The following ATP2B2 variants were observed in gnomAD, a reference collection of about 807,000 sequenced individuals.
The protein encoded by ATP2B2 is plasma membrane calcium-transporting ATPase 2.
In ATP2B2, 15 loss-of-function variants were observed where a neutral mutation model predicts 120.0. That is an observed-to-expected ratio of 0.12 (90% confidence interval 0.08 to 0.19). ATP2B2 has a LOEUF of 0.19. ATP2B2 is among the 10% of genes least tolerant of loss of function. The pLI is 1.00. For missense variants in ATP2B2, 1,045 were observed against 1,719.8 expected (o/e 0.61, Z 6.94); for synonymous variants, 694 against 700.3 (o/e 0.99, Z 0.14).
chr3:10,612,204 G>C (rs2069258575), intron 2 of ATP2B2, among the ~76,000 whole-genome samples: 2 of 152,044 alleles, frequency 1.3e-5, no homozygotes, highest in Non-Finnish European at 2.9e-5. Flanking sequence ...CCCTCCCCAG[G>C]TCCCCAGCCC....
intron 1 of ATP2B2, among the ~76,000 whole-genome samples, chr3:10,480,882 T>C (rs886462102): frequency 1.3e-5 from 2 of 152,232 alleles, no homozygotes; most frequent in African/African-American, 4.8e-5. Flanking sequence ...TTCCAGTACA[T>C]GCAGAGCTAA....
chr3:10,391,690 C>T lies in ATP2B2; in HGVS notation c.782-3288G>A, dbSNP rs3774162. ...TGAGCAATAGCCAGGGCAGGGGAGA[C>T]GGGGCATCTACAATCCCCAGTCCTC... is the stretch of plus-strand genomic sequence containing the variant. On this transcript the variant is annotated intron_variant, in intron 5 of 22. Coordinates refer to ENST00000360273, the MANE Select transcript of ATP2B2 (RefSeq NM_001001331.4). Among the ~76,000 whole-genome samples the T allele has an allele frequency of 1.4e-3, 211 of 152,232 alleles. 1 individual carries two copies. In the East Asian group the frequency reaches 0.017, roughly 12 times the overall value.
At chr3:10,464,080 G>A (rs1231611930) in intron 1 of ATP2B2, among the ~76,000 whole-genome samples, 1 of 152,194 alleles carries the variant, frequency 6.6e-6, no homozygotes, top group African/African-American at 2.4e-5. Context: ...CCTGGCTGAA[G>A]TGTGACCATG....
At chr3:10,605,251 T>C (rs1343824222) in intron 2 of ATP2B2, among the ~76,000 whole-genome samples, 1 of 152,218 alleles carries the variant, frequency 6.6e-6, no homozygotes, top group African/African-American at 2.4e-5. Context: ...AATACTAGCC[T>C]ATGTGCTGGG....
At chr3:10,659,016 A>C (rs2070711727) in intron 1 of ATP2B2, among the ~76,000 whole-genome samples, 1 of 152,220 alleles carries the variant, frequency 6.6e-6, no homozygotes, top group South Asian at 2.1e-4. Context: ...TGAAGGAGGA[A>C]TAAAATCCTT....
intron 2 of ATP2B2, among the ~76,000 whole-genome samples, chr3:10,590,083 C>A (rs143854788): frequency 6.6e-6 from 1 of 152,164 alleles, no homozygotes; most frequent in Non-Finnish European, 1.5e-5. Flanking sequence ...CTCCCATGGA[C>A]GCTACTCAGC....
chr3:10,340,549 C>T lies in ATP2B2; in HGVS notation c.3073G>A (p.Gly1025Ser), dbSNP rs758122334. The T allele has an allele frequency of 1.2e-5, 19 of 1,614,072 alleles. No individual in the cohort carries two copies. In the Admixed American group the frequency reaches 1.5e-4, roughly 13 times the overall value. The change falls in exon 20 of 23, where the codon GGC becomes AGC. Residue 1025 changes from glycine (G) to serine (S), a missense_variant. Gly to Ser is a moderately conservative substitution (Grantham distance 56, BLOSUM62 0). Around this residue, in one of 11 missense-constraint regions of ATP2B2, gnomAD observed 211 missense variants for 385.1 expected, o/e 0.55. Coordinates refer to ENST00000360273, the MANE Select transcript of ATP2B2 (RefSeq NM_001001331.4). This position sits in a 1 kb window ranked among gnomAD's most constrained non-coding sequence, Gnocchi z 5.0. Reference sequence around the variant, plus strand: ...CAGAAGATGGGGTTCCGGAAGATGCCGTCAAAGACATTGCGCTCGCCGTGG... The same window carrying T: ...CAGAAGATGGGGTTCCGGAAGATGCTGTCAAAGACATTGCGCTCGCCGTGG... ...KIHGERNVFD[G>S]IFRNPIFCTI... is the part of the protein sequence containing the mutation.
In ATP2B2 at chr3:10,388,317, C is replaced by G; in HGVS notation, c.867G>C (p.Leu289=). Residue 289 remains leucine, a synonymous_variant, in exon 6 of 23, where the codon CTG becomes CTC. Transcript: ENST00000360273. ...NSQTGIIFTL[L]GAGGEEEEKK... is the part of the protein sequence containing the mutation. The stretch of plus-strand genomic sequence containing the variant: ...TCTCTTCCTCTTCACCACCAGCCCC[C>G]AGGAGGGTAAAGATGATGCCAGTCT... The G allele has an allele frequency of 1.2e-6, 2 of 1,614,202 alleles. No homozygotes were observed. The highest frequency in any genetic ancestry group is 2.2e-5 in the South Asian group (2 of 91,084).
chr3:10,431,211 T>A (rs1427334578), intron 2 of ATP2B2, among the ~76,000 whole-genome samples: 1 of 152,202 alleles, frequency 6.6e-6, no homozygotes, highest in Non-Finnish European at 1.5e-5. Flanking sequence ...CATACCTTAG[T>A]TGATTGAGCA....
In ATP2B2 at chr3:10,635,378, CT is replaced by C. The variant is rs2069993830; in HGVS notation, c.-459-15418del. Reference sequence around the variant, plus strand: ...CACCCCAAGTAATCAGAAAACAGCTCTAAAAGCCTCCTGCATTTCCCTTCCC... The same window carrying C: ...CACCCCAAGTAATCAGAAAACAGCTCAAAAGCCTCCTGCATTTCCCTTCCC... On this transcript the variant is annotated intron_variant, in intron 1 of 21. Coordinates refer to the ATP2B2 transcript ENST00000646379. The surrounding 1 kb of genome is among the most constrained non-coding windows in gnomAD (Gnocchi z 4.3). 6.6e-6 allele frequency among the ~76,000 whole-genome samples: 1 copy of C among 152,132 alleles called. No homozygotes were observed. Among genetic ancestry groups the C allele is most frequent in the Non-Finnish European group, 1.5e-5 (1 of 68,038 alleles).
intron 2 of ATP2B2, among the ~76,000 whole-genome samples, chr3:10,612,024 G>A (rs1330230218): frequency 6.6e-6 from 1 of 152,124 alleles, no homozygotes; most frequent in Non-Finnish European, 1.5e-5. Flanking sequence ...TACACTCTCT[G>A]TTCTAGAGTA....
In ATP2B2 at chr3:10,647,025, T is replaced by C. The variant is rs986234033; in HGVS notation, c.-459-27064A>G. On this transcript the variant is annotated intron_variant, in intron 1 of 21. Coordinates refer to the ATP2B2 transcript ENST00000646379. ...AATGATGGACTACAAAGGGAAATTA[T>C]GTGACACTGTGATTCAGCAAAGCAG... 2.0e-5 allele frequency among the ~76,000 whole-genome samples: 3 copies of C among 152,222 alleles called. 1 individual carries two copies. Among genetic ancestry groups the C allele is most frequent in the African/African-American group, 4.8e-5 (2 of 41,524 alleles).
At chr3:10,366,676 CAG>C (rs1486807049) in intron 12 of ATP2B2, among the ~76,000 whole-genome samples, 1 of 152,142 alleles carries the variant, frequency 6.6e-6, no homozygotes, top group Non-Finnish European at 1.5e-5. Context: ...ATGGGCAGAA[CAG>C]GGGGATGTTT....
At chr3:10,381,414 T>A (rs1310420164) in intron 8 of ATP2B2, among the ~76,000 whole-genome samples, 4 of 152,260 alleles carry the variant, frequency 2.6e-5, no homozygotes, top group Non-Finnish European at 5.9e-5. Flanking sequence ...CAAAGGGGCC[T>A]TTATTTGCAT....
At chr3:10,408,359 C>T (rs1320844920) in intron 3 of ATP2B2, among the ~76,000 whole-genome samples, 3 of 152,096 alleles carry the variant, frequency 2.0e-5, no homozygotes, top group Non-Finnish European at 2.9e-5. Flanking sequence ...TTTGTTTTTG[C>T]ACTTGGTGGC....
At chr3:10,655,437 T>TTTAGAAATGC (rs368395083) in intron 1 of ATP2B2, among the ~76,000 whole-genome samples, 48 of 151,898 alleles carry the variant, frequency 3.2e-4, no homozygotes, top group Middle Eastern at 3.4e-3. Context: ...TTCTATTTTG[T>TTTAGAAATGC]AAATTCCCTG....
chr3:10,606,880 AACAC>A (rs147614282), intron 2 of ATP2B2, among the ~76,000 whole-genome samples: 36 of 100,100 alleles, frequency 3.6e-4, no homozygotes, highest in African/African-American at 6.1e-4. Context: ...ACGGAGTCTA[AACAC>A]ACACACACAC....
rs373092250 is a variant in ATP2B2 at position 10,383,542 on chromosome 3, CAGG to C, written c.1000+1723_1000+1725del. 3.3e-4 allele frequency among the ~76,000 whole-genome samples: 51 copies of C among 152,318 alleles called. 1 individual carries two copies. In the South Asian group the frequency reaches 9.5e-3, roughly 29 times the overall value. ...CACACTCCACTGGGAAATCCTGGAT[CAGG>C]AGGAGAAGCACACACTTTAGAGCCA... On this transcript the variant is annotated intron_variant, in intron 8 of 22. Coordinates refer to ENST00000360273, the MANE Select transcript of ATP2B2 (RefSeq NM_001001331.4).
intron 1 of ATP2B2, among the ~76,000 whole-genome samples, chr3:10,670,395 C>A (rs1240679688): frequency 2.0e-5 from 3 of 152,098 alleles, no homozygotes; most frequent in African/African-American, 7.2e-5. Flanking sequence ...GAAGGTAAGT[C>A]TTGGTCCTGA....
Sources: allele counts gnomAD v4.1 joint callset (sites outside exome capture counted in the v4.1 genomes callset), GRCh38; gene constraint gnomAD v4.1.1; regional missense constraint gnomAD v4.1.1; non-coding constraint Gnocchi (gnomAD v3.1); transcripts MANE v1.5; gene names NCBI Gene and HGNC (gene_info 2026-07-23, HGNC 2026-07-21).